TBC1D30: variants seen among roughly 807,000 people sequenced by gnomAD.
TBC1D30 encodes TBC1 domain family member 30.
TBC1D30 carries 31 observed loss-of-function variants against 63.2 expected under a neutral mutation model. The ratio of observed to expected loss-of-function variants is 0.49; its 90% CI spans 0.37 to 0.66. The LOEUF (loss-of-function observed/expected upper bound fraction) is 0.66. TBC1D30 is among the 30% of genes least tolerant of loss of function. The probability of loss-of-function intolerance (pLI) is 0.00; values close to 1 mark genes in which losing one functional copy is unlikely to be tolerated. For missense variants in TBC1D30, 810 were observed against 953.6 expected (o/e 0.85, Z 1.98); for synonymous variants, 307 against 361.5 (o/e 0.85, Z 1.71).
At position 64,870,758 on chromosome 12, in the gene TBC1D30, G is replaced by A. The variant is rs1013460023; in HGVS notation, c.1448G>A (p.Arg483Gln). 71 of 1,535,998 alleles carry A rather than the reference G, an allele frequency of 4.6e-5. No individual in the cohort carries two copies. In the Admixed American group the frequency reaches 7.1e-4, roughly 15 times the overall value. The change falls in exon 11 of 12, where the codon CGA becomes CAA. Residue 483 changes from arginine (R) to glutamine (Q), a missense_variant. Coordinates refer to ENST00000539867, the MANE Select transcript of TBC1D30 (RefSeq NM_015279.2). ...AATGCACTGAAGCGGCAGTACTCTC[G>A]AATTAAAAAGAAGCAACAGCAGCAG... ...DINALKRQYS[R>Q]IKKKQQQQVH...
chr12:64,823,482 G>C (rs1049978816), upstream of TBC1D30, among the ~76,000 whole-genome samples: 1 of 151,976 alleles, frequency 6.6e-6, no homozygotes, highest in African/African-American at 2.4e-5. Flanking sequence ...TTCATTTATA[G>C]TCAGGGACTA....
rs1446719017 is a variant in TBC1D30, at chr12:64,870,598, G to T, written c.1292-4G>T. ...TCTCCTTATGTCTCATCCTTCGAGC[G>T]CAGAGCCAAATGAGGAGCAGAGTCT... On this transcript the variant is annotated splice_polypyrimidine_tract_variant and splice_region_variant and intron_variant, in intron 10 of 11. Coordinates refer to ENST00000539867, the MANE Select transcript of TBC1D30 (RefSeq NM_015279.2). 2 of 1,535,882 alleles carry T rather than the reference G, an allele frequency of 1.3e-6. No individual in the cohort carries two copies. Among genetic ancestry groups the T allele is most frequent in the East Asian group, 2.4e-5 (1 of 40,922 alleles).
At chr12:64,807,153 C>T (rs1451289250) in intron 2 of TBC1D30, among the ~76,000 whole-genome samples, 4 of 152,118 alleles carry the variant, frequency 2.6e-5, no homozygotes, top group Non-Finnish European at 4.4e-5. Flanking sequence ...GGGGTGGTTC[C>T]TCCCATGCTG....
chr12:64,838,792 C>T lies in TBC1D30; in HGVS notation c.873C>T (p.Phe291=). The part of the protein sequence containing the change: ...QTVLKIWDSV[F]FEGSEIILRV... ...TTTTAAAGATCTGGGATTCAGTCTT[C>T]TTTGAAGGTTCAGAAATCATCCTAA... The change falls in exon 7 of 12, where the codon TTC becomes TTT. Residue 291 remains phenylalanine (F), a synonymous_variant. Transcript: ENST00000539867. The T allele has an allele frequency of 6.5e-7, 1 of 1,536,242 alleles. No homozygotes were observed. Among genetic ancestry groups the T allele is most frequent in the Non-Finnish European group, 8.7e-7 (1 of 1,146,944 alleles).
intron 1 of TBC1D30, among the ~76,000 whole-genome samples, chr12:64,764,466 A>T (rs1870632934): frequency 6.6e-6 from 1 of 152,206 alleles, no homozygotes; most frequent in Non-Finnish European, 1.5e-5. Context: ...TCTGGCCACG[A>T]TGGAGTAACA....
intron 2 of TBC1D30, among the ~76,000 whole-genome samples, chr12:64,806,760 A>C (rs1201599926): frequency 6.6e-6 from 1 of 152,226 alleles, no homozygotes; most frequent in Non-Finnish European, 1.5e-5. Flanking sequence ...CAATAGCCAA[A>C]AGGTGGAAGC....
intron 2 of TBC1D30, among the ~76,000 whole-genome samples, chr12:64,817,166 C>T (rs1183092954): frequency 1.3e-5 from 2 of 152,226 alleles, no homozygotes; most frequent in Admixed American, 1.3e-4. Flanking sequence ...CAGTCAGACT[C>T]ACCCTGTGGG....
upstream of TBC1D30, among the ~76,000 whole-genome samples, chr12:64,780,188 G>A (rs1458731648): frequency 6.6e-6 from 1 of 152,226 alleles, no homozygotes; most frequent in Non-Finnish European, 1.5e-5. Context: ...TTAAGTCCCA[G>A]ATATTTGCCA....
At chr12:64,868,171 G>T in intron 10 of TBC1D30, 1 of 161,712 alleles carries the variant, frequency 6.2e-6, no homozygotes, top group South Asian at 1.8e-4. Context: ...CCAAGAGATT[G>T]AGCAATCAAA....
intron 2 of TBC1D30, among the ~76,000 whole-genome samples, chr12:64,801,163 A>G (rs1872567570): frequency 6.6e-6 from 1 of 152,140 alleles, no homozygotes; most frequent in African/African-American, 2.4e-5. Flanking sequence ...CTCCCTGCCC[A>G]TTAGACATAG....
intron 2 of TBC1D30, among the ~76,000 whole-genome samples, chr12:64,813,126 A>G (rs1330185422): frequency 2.0e-5 from 3 of 152,188 alleles, no homozygotes; most frequent in Admixed American, 1.3e-4. Flanking sequence ...ATGGTGGTTC[A>G]AGCCTGTAAT....
At chr12:64,819,828 TGAG>T (rs1262131352), upstream of TBC1D30, among the ~76,000 whole-genome samples, 1 of 152,212 alleles carries the variant, frequency 6.6e-6, no homozygotes, top group Non-Finnish European at 1.5e-5. Context: ...AATTGTGGGA[TGAG>T]GAGAGAGGAG....
intron 7 of TBC1D30, among the ~76,000 whole-genome samples, chr12:64,842,247 T>A (rs947917802): frequency 1.3e-5 from 2 of 152,082 alleles, no homozygotes; most frequent in African/African-American, 4.8e-5. Context: ...TAACCTCAAC[T>A]ACTCGGGAGG....
At chr12:64,791,864 C>T (rs949435237) in intron 2 of TBC1D30, among the ~76,000 whole-genome samples, 3 of 151,964 alleles carry the variant, frequency 2.0e-5, no homozygotes, top group Non-Finnish European at 4.4e-5. Flanking sequence ...GATTATAAGG[C>T]GTAAGCTAAC....
chr12:64,837,993 A>C (rs1875517631), intron 6 of TBC1D30, among the ~76,000 whole-genome samples: 1 of 152,182 alleles, frequency 6.6e-6, no homozygotes, highest in African/African-American at 2.4e-5. Flanking sequence ...TATTGGCTGT[A>C]ATTTGAAGGG....
chr12:64,836,730 C>T (rs923860534), intron 6 of TBC1D30, 72 bp downstream of exon 6: 18 of 1,306,858 alleles, frequency 1.4e-5, no homozygotes, highest in East Asian at 5.1e-5. Flanking sequence ...TGAGCCTAAA[C>T]ATTGAATGGA....
At position 64,817,165 on chromosome 12, in the gene TBC1D30, T is replaced by A. The variant is rs576548174; in HGVS notation, c.644-10670T>A. 2.6e-5 allele frequency among the ~76,000 whole-genome samples: 4 copies of A among 152,280 alleles called. No individual in the cohort carries two copies. In the East Asian group the frequency reaches 7.7e-4, roughly 29 times the overall value. On this transcript the variant is annotated intron_variant, in intron 2 of 12. Transcript: ENST00000542120. ...AGTGGGGTATCCTGGCCAGTCAGAC[T>A]CACCCTGTGGGTCAGAGTCTGGGTC... is the stretch of plus-strand genomic sequence containing the variant.
chr12:64,848,779 G>A (rs1172739571), intron 8 of TBC1D30, among the ~76,000 whole-genome samples: 1 of 152,104 alleles, frequency 6.6e-6, no homozygotes, highest in Non-Finnish European at 1.5e-5. Context: ...CAATCCTTTG[G>A]GTATATACCC....
intron 8 of TBC1D30, among the ~76,000 whole-genome samples, chr12:64,860,412 C>G (rs1303012353): frequency 6.6e-6 from 1 of 152,096 alleles, no homozygotes; most frequent in Non-Finnish European, 1.5e-5. Context: ...CCTTGGCCTC[C>G]CAAAGTGTTG....
Sources: gnomAD v4.1 joint callset for allele counts (sites outside exome capture counted in the v4.1 genomes callset) on GRCh38, gnomAD v4.1.1 for gene constraint, MANE v1.5 for transcripts, NCBI Gene and HGNC (gene_info 2026-07-23, HGNC 2026-07-21) for gene names.